The following SEC23B variants were observed in gnomAD, a reference collection of about 807,000 sequenced individuals.
SEC23B encodes protein transport protein Sec23B.
Under a neutral mutation model 104.3 loss-of-function variants are expected in SEC23B, and 77 were observed. That is an observed-to-expected ratio of 0.74 (90% CI 0.61 to 0.89). The LOEUF is 0.89. Among genes scored for constraint, SEC23B ranks in the 40% least tolerant of loss-of-function variants. The pLI is 0.00. For synonymous variants in SEC23B, 338 were observed against 332.5 expected (o/e 1.02, Z -0.18); for missense variants, 885 against 949.4 (o/e 0.93, Z 0.89).
chr20:18,548,635 ATTTC>A lies in SEC23B; in HGVS notation c.1773_1776del (p.Leu592LysfsTer22). The A allele has an allele frequency of 6.2e-7, 1 of 1,614,100 alleles. No homozygotes were observed. The highest frequency in any genetic ancestry group is 8.5e-7 in the Non-Finnish European group (1 of 1,179,996). On this transcript the variant is annotated frameshift_variant, in exon 16 of 20. Coordinates refer to ENST00000650089, the MANE Select transcript of SEC23B (RefSeq NM_006363.6). LOFTEE classifies it high-confidence loss of function. The stretch of plus-strand genomic sequence containing the variant: ...TTATGTTCCATCTGAGAAGATCTCC[ATTTC>A]TTCAAGTGTTTAACAACAGTCCTGA...
chr20:18,546,095 A>T (rs1383531048), intron 15 of SEC23B, 62 bp downstream of exon 15: 1 of 974,364 alleles, frequency 1.0e-6, no homozygotes, highest in Non-Finnish European at 1.7e-6. Flanking sequence ...AATTAACTTT[A>T]TTCTTAGGGT....
At chr20:18,549,865 T>G (rs563707613) in intron 16 of SEC23B, among the ~76,000 whole-genome samples, 2 of 151,870 alleles carry the variant, frequency 1.3e-5, no homozygotes, top group African/African-American at 4.8e-5. Flanking sequence ...TCCCAGCTAC[T>G]TGGGAGGCTG....
chr20:18,534,846 C>T (rs988880835), intron 11 of SEC23B, among the ~76,000 whole-genome samples: 3 of 152,076 alleles, frequency 2.0e-5, no homozygotes, highest in Admixed American at 6.5e-5. Context: ...CTAGAGGAGC[C>T]GTCCTGGGTC....
At chr20:18,558,613 G>A (rs1228657074) in intron 19 of SEC23B, among the ~76,000 whole-genome samples, 1 of 152,062 alleles carries the variant, frequency 6.6e-6, no homozygotes, top group East Asian at 1.9e-4. Context: ...GTTCATTTGG[G>A]TAACTTCTAT....
intron 10 of SEC23B, among the ~76,000 whole-genome samples, 160 bp downstream of exon 10, chr20:18,530,963 A>G (rs2148904171): frequency 6.6e-6 from 1 of 152,274 alleles, no homozygotes; most frequent in South Asian, 2.1e-4. Flanking sequence ...AACTTCAATG[A>G]AATTATAGTG....
chr20:18,537,802 A>G (rs749138597), intron 12 of SEC23B, among the ~76,000 whole-genome samples: 1 of 152,184 alleles, frequency 6.6e-6, no homozygotes, highest in African/African-American at 2.4e-5. Context: ...ATATTGCTCA[A>G]AAATGTTAAT....
intron 12 of SEC23B, among the ~76,000 whole-genome samples, chr20:18,541,254 A>G (rs115923217): frequency 0.011 from 1,664 of 152,346 alleles, 36 homozygotes; most frequent in African/African-American, 0.038. Flanking sequence ...GGAATGTTGT[A>G]TCTGGTTTGA....
intron 1 of SEC23B, chr20:18,509,608 T>TG: frequency 6.6e-6 from 1 of 152,218 alleles, no homozygotes; most frequent in East Asian, 1.9e-4. Context: ...ATTTTTTTTT[T>TG]GAAACAGAGT....
At chr20:18,516,804 C>T (rs976699775) in intron 4 of SEC23B, among the ~76,000 whole-genome samples, 14 of 152,172 alleles carry the variant, frequency 9.2e-5, no homozygotes, top group Non-Finnish European at 1.6e-4. Flanking sequence ...CCACCCACCT[C>T]GGCTTCCGAA....
intron 19 of SEC23B, among the ~76,000 whole-genome samples, chr20:18,557,745 C>CT (rs11477198): frequency 0.011 from 1,269 of 116,798 alleles, 11 homozygotes; most frequent in Middle Eastern, 0.019. Context: ...TTTTTCTTTT[C>CT]TTTTTTTTTT....
At chr20:18,546,164 C>T (rs1336543096) in intron 15 of SEC23B, 131 bp downstream of exon 15, 10 of 669,122 alleles carry the variant, frequency 1.5e-5, no homozygotes, top group Non-Finnish European at 2.7e-5. Flanking sequence ...GATTGTTCAA[C>T]CCAAGTCGAA....
chr20:18,527,530 A>G lies in SEC23B; in HGVS notation c.1028A>G (p.Asn343Ser). ...YEMLANRTAA[N>S]GHCIDIYACA... Reference sequence around the variant, plus strand: ...ATGCTTGCTAATCGAACAGCTGCAAATGGTCACTGCATTGATATTTATGCT... The same window carrying G: ...ATGCTTGCTAATCGAACAGCTGCAAGTGGTCACTGCATTGATATTTATGCT... The change falls in exon 9 of 20, where the codon AAT becomes AGT. Residue 343 changes from asparagine (N) to serine (S), a missense_variant. Asn to Ser is a conservative substitution (Grantham distance 46). Coordinates refer to ENST00000650089, the MANE Select transcript of SEC23B (RefSeq NM_006363.6). The G allele has an allele frequency of 1.2e-6, 2 of 1,613,404 alleles. No individual in the cohort carries two copies. The highest frequency in any genetic ancestry group is 1.6e-4 in the Middle Eastern group (1 of 6,062).
chr20:18,538,927 C>T (rs931183020), intron 12 of SEC23B, among the ~76,000 whole-genome samples: 3 of 151,736 alleles, frequency 2.0e-5, no homozygotes, highest in South Asian at 2.1e-4. Flanking sequence ...AAAAATAGGC[C>T]GGGTGTGATG....
Position 18,550,348 on chromosome 20 carries a change from G to C in SEC23B, c.1906-741G>C, listed in dbSNP as rs561564470. Among the ~76,000 whole-genome samples the C allele has an allele frequency of 2.6e-5, 4 of 151,924 alleles. No homozygotes were observed. The South Asian group carries it at 8.3e-4, about 32-fold the overall frequency. On this transcript the variant is annotated intron_variant, in intron 16 of 19. Coordinates refer to ENST00000650089, the MANE Select transcript of SEC23B (RefSeq NM_006363.6). Reference sequence around the variant, plus strand: ...TTTTTTGTGTTTTTGGTAGAGATGGGGTTTTGCCATGTTGCCCAGGCTGGC... The same window carrying C: ...TTTTTTGTGTTTTTGGTAGAGATGGCGTTTTGCCATGTTGCCCAGGCTGGC...
Position 18,526,498 on chromosome 20 carries a change from A to G in SEC23B, c.960A>G (p.Lys320=). The change falls in exon 8 of 20, where the codon AAA becomes AAG. Residue 320 remains lysine, a synonymous_variant. Coordinates refer to ENST00000650089, the MANE Select transcript of SEC23B (RefSeq NM_006363.6). The part of the protein sequence containing the change: ...IPIRSWHDIE[K]DNARFMKKAT... ...TTCGTTCTTGGCATGATATTGAGAA[A>G]GATAATGCACGATTCATGAAAAAGG... 6.2e-7 allele frequency: 1 copy of G among 1,614,172 alleles called. No homozygotes were observed. The highest frequency in any genetic ancestry group is 8.5e-7 in the Non-Finnish European group (1 of 1,180,028).
chr20:18,525,703 A>C, intron 6 of SEC23B, 85 bp from the exon 7 acceptor site: 1 of 1,375,006 alleles, frequency 7.3e-7, no homozygotes, highest in Non-Finnish European at 1.0e-6. Flanking sequence ...AATTATCTTG[A>C]AGAGCAGTAA....
At position 18,551,171 on chromosome 20, in the gene SEC23B, G is replaced by A; in HGVS notation, c.1988G>A (p.Gly663Asp). The change falls in exon 17 of 20, where the codon GGT becomes GAT. Residue 663 changes from glycine to aspartate, a missense_variant. Physicochemically the swap from Gly to Asp is moderately conservative, Grantham distance 94. Coordinates refer to ENST00000650089, the MANE Select transcript of SEC23B (RefSeq NM_006363.6). Reference sequence around the variant, plus strand: ...TTCTTTCAAATTGTCATTTATCTTGGTGAGGTAAGATGATATTATTAATTA... The same window carrying A: ...TTCTTTCAAATTGTCATTTATCTTGATGAGGTAAGATGATATTATTAATTA... ...DTFFQIVIYLGETIAQWRKAG... is the reference protein window; with the variant it reads ...DTFFQIVIYLDETIAQWRKAG... The A allele has an allele frequency of 6.5e-7, 1 of 1,540,536 alleles. No homozygotes were observed. Among genetic ancestry groups the A allele is most frequent in the Non-Finnish European group, 8.9e-7 (1 of 1,118,500 alleles).
rs368960604 is a variant in SEC23B, at chr20:18,527,517, C to T, written c.1015C>T (p.Arg339Ter). ...ATKHYEMLAN[R>*]TAANGHCIDI... ...ACAGCACTATGAGATGCTTGCTAATCGAACAGCTGCAAATGGTCACTGCAT... is the reference window on the plus strand; with the variant it reads ...ACAGCACTATGAGATGCTTGCTAATTGAACAGCTGCAAATGGTCACTGCAT... The change falls in exon 9 of 20, where the codon CGA becomes TGA. Residue 339 changes from arginine to a stop codon, truncating the protein, a stop_gained. Transcript: ENST00000650089. LOFTEE classifies it high-confidence loss of function. 22 of 1,611,098 alleles carry T rather than the reference C, an allele frequency of 1.4e-5. No homozygotes were observed. Among genetic ancestry groups the T allele is most frequent in the East Asian group, 2.2e-5 (1 of 44,892 alleles).
chr20:18,560,518 G>A (rs1199313761), intron 19 of SEC23B, 133 bp from the exon 20 acceptor site: 4 of 735,850 alleles, frequency 5.4e-6, no homozygotes, highest in Non-Finnish European at 9.8e-6. Flanking sequence ...TGAGGCAGAG[G>A]ATGGGGTGAT....
Sources: allele counts gnomAD v4.1 joint callset (sites outside exome capture counted in the v4.1 genomes callset), GRCh38; gene constraint gnomAD v4.1.1; transcripts MANE v1.5; gene names NCBI Gene and HGNC (gene_info 2026-07-23, HGNC 2026-07-21).